The following SAMD5 variants were observed in gnomAD, a reference collection of about 807,000 sequenced individuals.
SAMD5 encodes the protein sterile alpha motif domain-containing protein 5.
Under a neutral mutation model 11.3 loss-of-function variants are expected in SAMD5, and 13 were observed. That is an observed-to-expected ratio of 1.15 (90% CI 0.75 to 1.83). SAMD5 has a LOEUF of 1.83. Ranked by LOEUF, SAMD5 falls within the 40% of genes most tolerant of loss-of-function variation. The pLI, the probability that SAMD5 is intolerant of heterozygous loss-of-function variation, is 0.00. For synonymous variants in SAMD5, 129 were observed against 111.3 expected, an observed-to-expected ratio of 1.16 and a Z score of -1.00; for missense variants, 255 against 239.1, an observed-to-expected ratio of 1.07 and a Z score of -0.44.
At chr6:147,558,682 G>C (rs946169746) in intron 1 of SAMD5, among the ~76,000 whole-genome samples, 1 of 151,930 alleles carries the variant, frequency 6.6e-6, no homozygotes, top group South Asian at 2.1e-4. Flanking sequence ...CTGAGAAGTG[G>C]TCCGTGGCAC....
chr6:147,834,964 C>G, the SAMD5 span, among the ~76,000 whole-genome samples: 3 of 152,206 alleles, frequency 2.0e-5, no homozygotes, highest in East Asian at 5.8e-4. Flanking sequence ...TGTGGTGGCT[C>G]ACGCCTGTAA....
chr6:147,655,339 G>T (rs1025473019), intron 1 of SAMD5, among the ~76,000 whole-genome samples: 3 of 151,964 alleles, frequency 2.0e-5, no homozygotes, highest in Non-Finnish European at 4.4e-5. Context: ...TCACTTTACT[G>T]GTCCTCATTT....
chr6:147,858,835 A>G, the SAMD5 span, among the ~76,000 whole-genome samples: 1 of 152,218 alleles, frequency 6.6e-6, no homozygotes, highest in Non-Finnish European at 1.5e-5. Context: ...TCAATAAGTA[A>G]ATATTCAGTG....
chr6:147,943,511 G>A, the SAMD5 span, among the ~76,000 whole-genome samples: 1 of 151,548 alleles, frequency 6.6e-6, no homozygotes, highest in African/African-American at 2.4e-5. Context: ...ATTTCATTCT[G>A]AGGGCTCCTC....
intron 1 of SAMD5, among the ~76,000 whole-genome samples, chr6:147,598,905 C>G (rs1025234238): frequency 2.0e-5 from 3 of 152,108 alleles, no homozygotes; most frequent in Admixed American, 2.0e-4. Flanking sequence ...ACTGAATATG[C>G]ACAAATTAAA....
intron 1 of SAMD5, among the ~76,000 whole-genome samples, chr6:147,604,022 T>A (rs1789661533): frequency 6.6e-6 from 1 of 152,186 alleles, no homozygotes; most frequent in South Asian, 2.1e-4. Context: ...AGTGGTTGGA[T>A]TAAAAATACA....
intron 1 of SAMD5, among the ~76,000 whole-genome samples, chr6:147,554,357 G>C (rs1788820339): frequency 6.6e-6 from 1 of 152,206 alleles, no homozygotes; most frequent in Non-Finnish European, 1.5e-5. Flanking sequence ...GCCTGGGAAA[G>C]AATCGCTAAA....
chr6:147,831,957 A>T, the SAMD5 span, among the ~76,000 whole-genome samples: 1 of 152,150 alleles, frequency 6.6e-6, no homozygotes, highest in Non-Finnish European at 1.5e-5. Flanking sequence ...AAAAGAAATG[A>T]TCTTACACCA....
chr6:147,927,482 A>G, the SAMD5 span, among the ~76,000 whole-genome samples: 481 of 152,288 alleles, frequency 3.2e-3, 1 homozygote, highest in African/African-American at 0.011. Flanking sequence ...GTTGGTGTGT[A>G]GAAACGTTCA....
At chr6:147,547,180 T>C (rs894414921) in intron 1 of SAMD5, among the ~76,000 whole-genome samples, 6 of 152,234 alleles carry the variant, frequency 3.9e-5, no homozygotes, top group Non-Finnish European at 7.3e-5. Flanking sequence ...TTTAGTTACA[T>C]GTTGCATTAG....
Position 147,540,933 on chromosome 6 carries a change from G to GTT in SAMD5, c.460-23435_460-23434dup, listed in dbSNP as rs1187718649. Among the ~76,000 whole-genome samples the GTT allele has an allele frequency of 2.1e-3, 134 of 64,180 alleles. 16 individuals are homozygous for GTT. The highest frequency in any genetic ancestry group is 8.3e-3 in the South Asian group (11 of 1,322). The allele number at this position is 64,180 out of a possible 152,430, so 42.1% of individuals were successfully genotyped here. A position where few individuals can be genotyped will look rare whatever the true frequency, so the allele number is the denominator to read the frequency against. On this transcript the variant is annotated intron_variant, in intron 1 of 1. Transcript: ENST00000367474. ...CATAGCTGTGGGGTTCAAGCCACGC[G>GTT]TTTTTTTTTTTTTTTTTTTTTTTTT...
At chr6:147,545,141 C>A (rs759429902) in intron 1 of SAMD5, among the ~76,000 whole-genome samples, 2 of 152,092 alleles carry the variant, frequency 1.3e-5, no homozygotes, top group Non-Finnish European at 2.9e-5. Flanking sequence ...TGGTCTGTGG[C>A]TCTATTTAGG....
At chr6:147,677,074 C>G (rs1380415048) in intron 1 of SAMD5, among the ~76,000 whole-genome samples, 1 of 152,146 alleles carries the variant, frequency 6.6e-6, no homozygotes, top group East Asian at 1.9e-4. Flanking sequence ...TAAATCAAAT[C>G]TTCAGAGCTA....
the SAMD5 span, among the ~76,000 whole-genome samples, chr6:147,836,337 A>G: frequency 6.6e-6 from 1 of 152,216 alleles, no homozygotes; most frequent in Non-Finnish European, 1.5e-5. Flanking sequence ...TTGTACTTAC[A>G]TTAAGACATA....
the SAMD5 span, among the ~76,000 whole-genome samples, chr6:147,854,333 A>G: frequency 6.6e-6 from 1 of 152,222 alleles, no homozygotes; most frequent in Non-Finnish European, 1.5e-5. Context: ...CTTCAGAGCC[A>G]TGCTGACAAG....
chr6:147,954,230 A>G, the SAMD5 span, among the ~76,000 whole-genome samples: 1 of 152,214 alleles, frequency 6.6e-6, no homozygotes, highest in Non-Finnish European at 1.5e-5. Flanking sequence ...AATCACATTT[A>G]GTAAGTAAAA....
At chr6:147,836,545 T>A in the SAMD5 span, among the ~76,000 whole-genome samples, 1 of 152,222 alleles carries the variant, frequency 6.6e-6, no homozygotes, top group Non-Finnish European at 1.5e-5. Context: ...ATACAAAGCC[T>A]ATTTTATATT....
chr6:147,717,783 C>T lies in SAMD5; in HGVS notation c.163-19534C>T, dbSNP rs146416289. Among the ~76,000 whole-genome samples, 8 of 152,102 alleles carry T rather than the reference C, an allele frequency of 5.3e-5. No homozygotes were observed. In the East Asian group the frequency reaches 1.6e-3, roughly 30 times the overall value. ...ACTTGAACCTGGGAGGTGGAGGTTG[C>T]AGTGATGCAGTGAGCCGAGATTGCA... On this transcript the variant is annotated intron_variant, in intron 1 of 1. Coordinates refer to the SAMD5 transcript ENST00000566741.
chr6:147,678,367 T>G (rs73010170), intron 1 of SAMD5, among the ~76,000 whole-genome samples: 17,507 of 152,234 alleles, frequency 0.12, 1,107 homozygotes, highest in Middle Eastern at 0.16. Flanking sequence ...TCATGTAAAA[T>G]GTATTGAATT....
Sources: gnomAD v4.1 joint callset for allele counts (sites outside exome capture counted in the v4.1 genomes callset) on GRCh38, gnomAD v4.1.1 for gene constraint, MANE v1.5 for transcripts, NCBI Gene and HGNC (gene_info 2026-07-23, HGNC 2026-07-21) for gene names.